The following PARD3 variants were observed in gnomAD, a reference collection of about 807,000 sequenced individuals.
PARD3 encodes the protein par-3 family cell polarity regulator.
Under a neutral mutation model 155.4 loss-of-function variants are expected in PARD3, and 75 were observed. The ratio of observed to expected loss-of-function variants is 0.48; its 90% CI spans 0.40 to 0.58. The LOEUF is 0.58. Among genes scored for constraint, PARD3 ranks in the 20% least tolerant of loss-of-function variants. The probability of loss-of-function intolerance (pLI) is 0.00; values close to 1 mark genes in which losing one functional copy is unlikely to be tolerated. For missense variants in PARD3, 1,642 were observed against 1,721.7 expected (o/e 0.95, Z 0.82); for synonymous variants, 576 against 610.5 (o/e 0.94, Z 0.83).
Position 34,119,665 on chromosome 10 carries a change from CCTGCCG to C in PARD3, c.3610_3615del (p.Arg1204_Gln1205del), listed in dbSNP as rs546526316. 6.2e-6 allele frequency: 10 copies of C among 1,611,864 alleles called. No individual in the cohort carries two copies. The highest frequency in any genetic ancestry group is 5.3e-5 in the African/African-American group (4 of 74,908). The stretch of plus-strand genomic sequence containing the variant: ...GCCTGCTGGGAGCTCTCGCGCTCCT[CCTGCCG>C]CTGCCGCTGCATCTGCACCTCCACG... On this transcript the variant is annotated inframe_deletion, in exon 24 of 25. Transcript: ENST00000374788.
chr10:34,410,358 T>C (rs2132292394), intron 5 of PARD3, among the ~76,000 whole-genome samples: 1 of 152,096 alleles, frequency 6.6e-6, no homozygotes, highest in East Asian at 1.9e-4. Context: ...AAAATATAAA[T>C]ATTTAATGTA....
chr10:34,117,432 G>C (rs1332864319), intron 24 of PARD3, among the ~76,000 whole-genome samples: 1 of 152,134 alleles, frequency 6.6e-6, no homozygotes, highest in Non-Finnish European at 1.5e-5. Context: ...ACACAGACTG[G>C]AGGGCAGTGG....
At chr10:34,690,025 C>A (rs1165157004) in intron 2 of PARD3, among the ~76,000 whole-genome samples, 4 of 152,184 alleles carry the variant, frequency 2.6e-5, no homozygotes, top group Non-Finnish European at 5.9e-5. Flanking sequence ...CTCACTGCAA[C>A]CTCCGTCCCC....
At chr10:34,269,930 G>T (rs966054723) in intron 21 of PARD3, 31 bp from the exon 22 acceptor site, 2 of 1,602,776 alleles carry the variant, frequency 1.2e-6, no homozygotes, top group Admixed American at 1.7e-5. Flanking sequence ...TGAAATAAGA[G>T]AAACCTTTCC....
chr10:34,689,948 T>C (rs1037442239), intron 2 of PARD3, among the ~76,000 whole-genome samples: 2 of 152,082 alleles, frequency 1.3e-5, no homozygotes, highest in African/African-American at 4.8e-5. Flanking sequence ...TTTATTTATT[T>C]ATTTATTTAT....
chr10:34,763,686 C>T (rs1189107767), intron 1 of PARD3, among the ~76,000 whole-genome samples: 3 of 152,090 alleles, frequency 2.0e-5, no homozygotes, highest in African/African-American at 7.2e-5. Context: ...ACAAACTAGA[C>T]ACCTGCAGCT....
intron 14 of PARD3, 92 bp downstream of exon 14, chr10:34,359,055 G>T: frequency 1.2e-6 from 1 of 802,774 alleles, no homozygotes; most frequent in Non-Finnish European, 2.0e-6. Context: ...TTTGATGTAA[G>T]GTCCTGGAAC....
At chr10:34,687,807 C>T (rs1480395365) in intron 2 of PARD3, among the ~76,000 whole-genome samples, 3 of 150,606 alleles carry the variant, frequency 2.0e-5, no homozygotes, top group Non-Finnish European at 4.4e-5. Flanking sequence ...TTCCCCGCCA[C>T]CTACTGACTC....
chr10:34,574,067 T>A (rs1230066952), intron 2 of PARD3, among the ~76,000 whole-genome samples: 1 of 152,090 alleles, frequency 6.6e-6, no homozygotes, highest in African/African-American at 2.4e-5. Flanking sequence ...TATAAATTAA[T>A]ATAGTATATT....
At chr10:34,776,779 CA>C (rs569075968) in intron 1 of PARD3, among the ~76,000 whole-genome samples, 1 of 124,924 alleles carries the variant, frequency 8.0e-6, no homozygotes, top group African/African-American at 3.1e-5. Context: ...AAAAAGAAAA[CA>C]AAAAAAAACA....
intron 22 of PARD3, among the ~76,000 whole-genome samples, chr10:34,135,188 G>C (rs1332280330): frequency 6.6e-6 from 1 of 152,204 alleles, no homozygotes; most frequent in Admixed American, 6.5e-5. Flanking sequence ...GGGATGCTGA[G>C]AGGAACAGAG....
At chr10:34,780,224 T>G (rs796582621) in intron 1 of PARD3, among the ~76,000 whole-genome samples, 1 of 152,226 alleles carries the variant, frequency 6.6e-6, no homozygotes, top group Non-Finnish European at 1.5e-5. Context: ...ACCAAATACC[T>G]TCCTGGTTTT....
chr10:34,507,550 A>AAAAAAAAAAAAAAC (rs1554880669), intron 3 of PARD3, among the ~76,000 whole-genome samples: 1 of 129,226 alleles, frequency 7.7e-6, no homozygotes, highest in African/African-American at 3.6e-5. Flanking sequence ...TAAAAAAACA[A>AAAAAAAAAAAAAAC]AAAAAAAAAA....
intron 7 of PARD3, 57 bp from the exon 8 acceptor site, chr10:34,384,311 C>A: frequency 6.7e-7 from 1 of 1,499,750 alleles, no homozygotes; most frequent in South Asian, 1.2e-5. Context: ...ATGCACACTG[C>A]CTTACCACTT....
chr10:34,762,195 C>T (rs890792054), intron 1 of PARD3, among the ~76,000 whole-genome samples: 2 of 151,842 alleles, frequency 1.3e-5, no homozygotes, highest in African/African-American at 4.8e-5. Context: ...AAACATTTAT[C>T]AACCCACTTT....
chr10:34,729,668 A>T (rs537932662), intron 1 of PARD3, among the ~76,000 whole-genome samples: 16 of 152,338 alleles, frequency 1.1e-4, no homozygotes, highest in African/African-American at 3.8e-4. Flanking sequence ...AGGGTCTCCT[A>T]CAGTAAATGA....
intron 2 of PARD3, among the ~76,000 whole-genome samples, chr10:34,599,742 A>C (rs2089603646): frequency 3.3e-5 from 5 of 152,232 alleles, no homozygotes; most frequent in Admixed American, 2.6e-4. Flanking sequence ...CACAGACAGT[A>C]AGACCCACAT....
chr10:34,114,590 C>T lies in PARD3; in HGVS notation c.3669-3028G>A, dbSNP rs911318225. On this transcript the variant is annotated intron_variant, in intron 24 of 24. Coordinates refer to ENST00000374788, the MANE Select transcript of PARD3 (RefSeq NM_001184785.2). ...GAACTCCTGAACTCAAGTGATCTGC[C>T]GACCTCAGCCTCCCATAGTCCTGGG... is the stretch of plus-strand genomic sequence containing the variant. Among the ~76,000 whole-genome samples the T allele has an allele frequency of 3.3e-5, 5 of 152,126 alleles. No homozygotes were observed. The East Asian group carries it at 7.7e-4, about 24-fold the overall frequency.
intron 1 of PARD3, among the ~76,000 whole-genome samples, chr10:34,808,984 C>T (rs1843740379): frequency 6.6e-6 from 1 of 152,198 alleles, no homozygotes; most frequent in South Asian, 2.1e-4. Flanking sequence ...GCCCTGGCCA[C>T]CTGCCTTGAA....
Sources: gnomAD v4.1 joint callset for allele counts (sites outside exome capture counted in the v4.1 genomes callset) on GRCh38, gnomAD v4.1.1 for gene constraint, MANE v1.5 for transcripts, NCBI Gene and HGNC (gene_info 2026-07-23, HGNC 2026-07-21) for gene names.